The following ANO2 variants were observed in gnomAD, a reference collection of about 807,000 sequenced individuals.
ANO2 encodes anoctamin 2.
In ANO2, 101 loss-of-function variants were observed where a neutral mutation model predicts 124.2. The observed-to-expected ratio is 0.81, with a 90% confidence interval of 0.69 to 0.96. The LOEUF (loss-of-function observed/expected upper bound fraction) is 0.96. ANO2 is among the 40% of genes least tolerant of loss of function. The pLI is 0.00. For missense variants in ANO2, 1,293 were observed against 1,274.5 expected (o/e 1.01, Z -0.22); for synonymous variants, 486 against 482.5 (o/e 1.01, Z -0.09).
intron 1 of ANO2, among the ~76,000 whole-genome samples, chr12:5,944,968 T>TAA (rs112956167): frequency 8.2e-5 from 12 of 145,878 alleles, no homozygotes; most frequent in South Asian, 4.6e-4. Context: ...CTCCTTGAGT[T>TAA]AAAAAAAAAA....
At chr12:5,704,081 C>T (rs1591950326) in intron 14 of ANO2, among the ~76,000 whole-genome samples, 2 of 151,826 alleles carry the variant, frequency 1.3e-5, no homozygotes, top group South Asian at 4.2e-4. Flanking sequence ...AGGATGAGTG[C>T]TATTTTTGAG....
At chr12:5,681,719 T>C (rs951436595) in intron 14 of ANO2, among the ~76,000 whole-genome samples, 2 of 152,242 alleles carry the variant, frequency 1.3e-5, no homozygotes, top group Non-Finnish European at 2.9e-5. Context: ...TCTTATTCCC[T>C]GGAGTCCATT....
chr12:5,747,437 T>C (rs1951301696), intron 11 of ANO2, among the ~76,000 whole-genome samples: 1 of 152,232 alleles, frequency 6.6e-6, no homozygotes, highest in African/African-American at 2.4e-5. Flanking sequence ...GTTGGACTTC[T>C]GATGAATTTA....
intron 20 of ANO2, among the ~76,000 whole-genome samples, chr12:5,593,658 T>A (rs987020618): frequency 6.6e-6 from 1 of 152,192 alleles, no homozygotes; most frequent in Admixed American, 6.5e-5. Flanking sequence ...ATAACAACGG[T>A]GGCCAATGTT....
chr12:5,594,543 C>A (rs1264251426), intron 20 of ANO2, among the ~76,000 whole-genome samples: 2 of 152,162 alleles, frequency 1.3e-5, no homozygotes, highest in Non-Finnish European at 2.9e-5. Flanking sequence ...TCCTTGTCAA[C>A]AGTTACTCGT....
intron 1 of ANO2, among the ~76,000 whole-genome samples, chr12:5,928,469 T>C (rs1411376365): frequency 6.8e-6 from 1 of 146,884 alleles, no homozygotes; most frequent in Non-Finnish European, 1.5e-5. Flanking sequence ...CTTTCCTTCG[T>C]CACTAGTCTA....
In ANO2 at chr12:5,636,387, GC is replaced by G. The variant is rs1373694913; in HGVS notation, c.1621-1041del. ...AAGGAGAGACAACTGCTAGGTGCAT[GC>G]CCCACTCAGAGCAAATTCTAATTTG... is the stretch of plus-strand genomic sequence containing the variant. On this transcript the variant is annotated intron_variant, in intron 15 of 24. Coordinates refer to ENST00000682330, the MANE Select transcript of ANO2 (RefSeq NM_001364791.2). The surrounding 1 kb of genome is among the most constrained non-coding windows in gnomAD (Gnocchi z 4.6). Among the ~76,000 whole-genome samples, 1 of 152,072 alleles carries G rather than the reference GC, an allele frequency of 6.6e-6. No individual in the cohort carries two copies.
At chr12:5,919,262 G>A (rs1441041207) in intron 3 of ANO2, among the ~76,000 whole-genome samples, 4 of 152,190 alleles carry the variant, frequency 2.6e-5, no homozygotes, top group African/African-American at 9.6e-5. Context: ...GAGAGGGAAT[G>A]TGATGCACAG....
intron 14 of ANO2, among the ~76,000 whole-genome samples, chr12:5,699,459 G>A (rs1949318071): frequency 6.6e-6 from 1 of 151,870 alleles, no homozygotes; most frequent in Non-Finnish European, 1.5e-5. Context: ...ACATGGAAAG[G>A]AACAACCCAT....
intron 19 of ANO2, among the ~76,000 whole-genome samples, chr12:5,601,629 C>T (rs1943946007): frequency 6.6e-6 from 1 of 152,146 alleles, no homozygotes. Context: ...CCTCCATGAA[C>T]AGTAATCAGA....
At chr12:5,928,536 TCG>T (rs1942203484) in intron 1 of ANO2, among the ~76,000 whole-genome samples, 1 of 150,678 alleles carries the variant, frequency 6.6e-6, no homozygotes, top group African/African-American at 2.4e-5. Context: ...CCTTCCTTAC[TCG>T]TCTACCTTCT....
At chr12:5,858,129 G>GATTA (rs1955161636) in intron 3 of ANO2, among the ~76,000 whole-genome samples, 3 of 152,288 alleles carry the variant, frequency 2.0e-5, no homozygotes, top group Middle Eastern at 3.4e-3. Flanking sequence ...GGGTGAATAG[G>GATTA]ATTAATATAA....
Position 5,704,765 on chromosome 12 carries a change from C to T in ANO2, c.1545+27755G>A, listed in dbSNP as rs974296676. Among the ~76,000 whole-genome samples, 4 of 151,784 alleles carry T rather than the reference C, an allele frequency of 2.6e-5. No homozygotes were observed. The East Asian group carries it at 5.8e-4, about 22-fold the overall frequency. On this transcript the variant is annotated intron_variant, in intron 14 of 24. Transcript: ENST00000682330. ...CCTATACATATTCCCAATTGTGCCC[C>T]ATATTTTCTAAGCTTTCTGACGAAA...
chr12:5,687,334 G>A (rs1195814806), intron 14 of ANO2, among the ~76,000 whole-genome samples: 1 of 152,202 alleles, frequency 6.6e-6, no homozygotes, highest in Non-Finnish European at 1.5e-5. Context: ...ACGAATGAAC[G>A]CCCTGCAGTT....
chr12:5,646,756 G>A (rs1946659460), intron 15 of ANO2, among the ~76,000 whole-genome samples: 1 of 152,200 alleles, frequency 6.6e-6, no homozygotes, highest in African/African-American at 2.4e-5. Flanking sequence ...ACTTTGGCAA[G>A]GCACCCATCA....
chr12:5,932,678 C>T (rs367922412), intron 1 of ANO2, among the ~76,000 whole-genome samples: 2 of 150,690 alleles, frequency 1.3e-5, no homozygotes, highest in Non-Finnish European at 1.5e-5. Context: ...AGAAGGTAGA[C>T]GAGTAAGGAA....
intron 1 of ANO2, among the ~76,000 whole-genome samples, chr12:5,923,742 T>C (rs1191746458): frequency 6.6e-6 from 1 of 151,824 alleles, no homozygotes. Context: ...ACTGAGAGAG[T>C]AGATAGTCCA....
intron 7 of ANO2, among the ~76,000 whole-genome samples, chr12:5,818,784 C>A (rs1437976006): frequency 1.3e-5 from 2 of 152,014 alleles, no homozygotes; most frequent in South Asian, 2.1e-4. Flanking sequence ...TCATGACAGG[C>A]AAGGAGATTA....
rs1945940739 is a variant in ANO2, at chr12:5,635,188, T to C, written c.1780A>G (p.Ile594Val). ...NLVVILILDE[I>V]YGAVAKWLTK... ...AGCCACTTGGCCACAGCGCCGTAGATCTCGTCCAGGATGAGGATGACCACG... is the reference window on the plus strand; with the variant it reads ...AGCCACTTGGCCACAGCGCCGTAGACCTCGTCCAGGATGAGGATGACCACG... Residue 594 changes from isoleucine (I) to valine (V), a missense_variant, in exon 16 of 25, where the codon ATC (isoleucine) becomes GTC (valine). Physicochemically the swap from Ile to Val is conservative, Grantham distance 29 (BLOSUM62 3). Transcript: ENST00000682330. The surrounding 1 kb of genome is among the most constrained non-coding windows in gnomAD (Gnocchi z 5.2). 3 of 1,602,002 alleles carry C rather than the reference T, an allele frequency of 1.9e-6. No homozygotes were observed. The highest frequency in any genetic ancestry group is 2.6e-6 in the Non-Finnish European group (3 of 1,175,944).
Sources: allele counts gnomAD v4.1 joint callset (sites outside exome capture counted in the v4.1 genomes callset), GRCh38; gene constraint gnomAD v4.1.1; non-coding constraint Gnocchi (gnomAD v3.1); transcripts MANE v1.5; gene names NCBI Gene and HGNC (gene_info 2026-07-23, HGNC 2026-07-21).